SPECC1L: variants seen among roughly 807,000 people sequenced by gnomAD.
SPECC1L encodes the protein sperm antigen with calponin homology and coiled-coil domains 1 like.
Under a neutral mutation model 116.8 loss-of-function variants are expected in SPECC1L, and 40 were observed. The ratio of observed to expected loss-of-function variants is 0.34; its 90% CI spans 0.27 to 0.45. SPECC1L has a LOEUF of 0.45. Ranked by LOEUF, SPECC1L falls within the 20% of genes least tolerant of loss-of-function variation. The pLI is 1.00. For missense variants in SPECC1L, 1,110 were observed against 1,373.6 expected, an observed-to-expected ratio of 0.81 and a Z score of 3.03; for synonymous variants, 504 against 500.6, an observed-to-expected ratio of 1.01 and a Z score of -0.09.
At chr22:24,283,035 C>T (rs934742585) in intron 2 of SPECC1L, among the ~76,000 whole-genome samples, 5 of 151,906 alleles carry the variant, frequency 3.3e-5, no homozygotes, top group African/African-American at 1.2e-4. Flanking sequence ...ACCTCATCCT[C>T]CCAAAGTGCT....
At chr22:24,411,905 T>C (rs1166113557) in intron 15 of SPECC1L, among the ~76,000 whole-genome samples, 2 of 152,258 alleles carry the variant, frequency 1.3e-5, no homozygotes, top group Non-Finnish European at 2.9e-5. Context: ...TTTGGTTGGT[T>C]CAGAATTCCC....
intron 8 of SPECC1L, among the ~76,000 whole-genome samples, chr22:24,334,014 G>GTTTTTTTTTT (rs11398083): frequency 7.5e-6 from 1 of 132,552 alleles, no homozygotes; most frequent in Admixed American, 7.6e-5. Context: ...GTTTTTTGTT[G>GTTTTTTTTTT]TTTTTTTTTT....
chr22:24,361,390 GAAAT>G (rs748913973), intron 11 of SPECC1L, among the ~76,000 whole-genome samples: 9 of 151,632 alleles, frequency 5.9e-5, no homozygotes, highest in Admixed American at 1.3e-4. Context: ...TCCTGTCTTA[GAAAT>G]AAATAAATAA....
chr22:24,348,380 G>T (rs900535377), intron 11 of SPECC1L, among the ~76,000 whole-genome samples: 1 of 152,168 alleles, frequency 6.6e-6, no homozygotes, highest in Non-Finnish European at 1.5e-5. Context: ...TAGTACCAGC[G>T]CCTGAAGAGT....
At chr22:24,390,585 G>A (rs928607511) in intron 14 of SPECC1L, among the ~76,000 whole-genome samples, 4 of 152,164 alleles carry the variant, frequency 2.6e-5, no homozygotes, top group African/African-American at 7.2e-5. Flanking sequence ...GTAAATATCA[G>A]TGTGTTCCAG....
At chr22:24,379,245 G>C (rs1466152011) in intron 14 of SPECC1L, among the ~76,000 whole-genome samples, 1 of 151,750 alleles carries the variant, frequency 6.6e-6, no homozygotes, top group African/African-American at 2.4e-5. Context: ...AGGCATGGTA[G>C]CAATCCTCCT....
chr22:24,344,834 A>G (rs2041257352), intron 10 of SPECC1L, among the ~76,000 whole-genome samples: 1 of 152,256 alleles, frequency 6.6e-6, no homozygotes, highest in African/African-American at 2.4e-5. Flanking sequence ...AATGAAATGT[A>G]TGCACAACCT....
intron 7 of SPECC1L, among the ~76,000 whole-genome samples, chr22:24,329,833 C>T (rs1287700645): frequency 1.3e-5 from 2 of 151,590 alleles, no homozygotes; most frequent in African/African-American, 2.4e-5. Context: ...ATTTTGATGT[C>T]AGGCTATTTA....
chr22:24,290,789 ATG>A (rs1345901739), intron 2 of SPECC1L, among the ~76,000 whole-genome samples: 1 of 152,196 alleles, frequency 6.6e-6, no homozygotes, highest in Non-Finnish European at 1.5e-5. Flanking sequence ...ACCTTTCTGA[ATG>A]TGTGTCATAA....
intron 9 of SPECC1L, among the ~76,000 whole-genome samples, chr22:24,338,040 T>C (rs190614125): frequency 2.0e-5 from 3 of 152,342 alleles, no homozygotes; most frequent in African/African-American, 4.8e-5. Flanking sequence ...TTACCTGATA[T>C]AGTTATGTAA....
At chr22:24,366,254 G>A (rs979038738) in intron 13 of SPECC1L, among the ~76,000 whole-genome samples, 1 of 151,808 alleles carries the variant, frequency 6.6e-6, no homozygotes, top group Admixed American at 6.6e-5. Flanking sequence ...GTGCAGTGGC[G>A]CGATCTCGGC....
At chr22:24,344,015 A>G (rs1379113248) in intron 10 of SPECC1L, among the ~76,000 whole-genome samples, 2 of 152,214 alleles carry the variant, frequency 1.3e-5, no homozygotes, top group Non-Finnish European at 2.9e-5. Flanking sequence ...TGGTTTTACT[A>G]GTGAATTGAA....
At chr22:24,342,379 G>A (rs1361864368) in intron 10 of SPECC1L, among the ~76,000 whole-genome samples, 1 of 152,106 alleles carries the variant, frequency 6.6e-6, no homozygotes, top group Non-Finnish European at 1.5e-5. Context: ...ATATGAAAAA[G>A]AATAGAGGAG....
At chr22:24,306,461 G>A (rs967357336) in intron 3 of SPECC1L, among the ~76,000 whole-genome samples, 1 of 152,036 alleles carries the variant, frequency 6.6e-6, no homozygotes, top group African/African-American at 2.4e-5. Context: ...GCTCACTGCA[G>A]CCTTGAACTC....
At chr22:24,287,186 A>G (rs2049059085) in intron 2 of SPECC1L, among the ~76,000 whole-genome samples, 1 of 152,194 alleles carries the variant, frequency 6.6e-6, no homozygotes, top group African/African-American at 2.4e-5. Context: ...AGTAGGAGCC[A>G]AAGTGTGGGT....
At chr22:24,411,250 CCTCTGGTCTGTA>C (rs1215789083) in intron 14 of SPECC1L, among the ~76,000 whole-genome samples, 1 of 152,140 alleles carries the variant, frequency 6.6e-6, no homozygotes, top group Non-Finnish European at 1.5e-5. Flanking sequence ...CCACCCACAT[CCTCTGGTCTGTA>C]CTGTCACCCC....
At chr22:24,353,567 G>A (rs1289177559) in intron 11 of SPECC1L, among the ~76,000 whole-genome samples, 5 of 151,976 alleles carry the variant, frequency 3.3e-5, no homozygotes, top group African/African-American at 9.7e-5. Context: ...ACCACACTCA[G>A]CTAATTTTTT....
intron 2 of SPECC1L, among the ~76,000 whole-genome samples, chr22:24,301,216 A>G (rs2049371219): frequency 6.6e-6 from 1 of 152,222 alleles, no homozygotes; most frequent in Non-Finnish European, 1.5e-5. Context: ...CAATCTCCCC[A>G]TCTAACAAAG....
intron 10 of SPECC1L, among the ~76,000 whole-genome samples, chr22:24,344,333 G>GA (rs144461073): frequency 0.074 from 10,903 of 147,178 alleles, 437 homozygotes; most frequent in South Asian, 0.14. Context: ...ATAAAAGAGG[G>GA]AAAAAAAATT....
Sources: allele counts gnomAD v4.1 joint callset (sites outside exome capture counted in the v4.1 genomes callset), GRCh38; gene constraint gnomAD v4.1.1; transcripts MANE v1.5; gene names NCBI Gene and HGNC (gene_info 2026-07-23, HGNC 2026-07-21).